Variants in KCNK9 observed in about 807,000 individuals in gnomAD.
KCNK9 encodes the protein potassium two pore domain channel subfamily K member 9, also known as potassium channel subfamily K member 9.
Under a neutral mutation model 10.8 loss-of-function variants are expected in KCNK9, and 1 was observed. The ratio of observed to expected loss-of-function variants is 0.09; its 90% CI spans 0.03 to 0.44. The LOEUF (loss-of-function observed/expected upper bound fraction) is 0.44, where lower values mean the gene tolerates loss of function less well. KCNK9 is among the 20% of genes least tolerant of loss of function. The pLI is 0.97. For synonymous variants in KCNK9, 231 were observed against 222.7 expected, an observed-to-expected ratio of 1.04 and a Z score of -0.33; for missense variants, 303 against 515.0, an observed-to-expected ratio of 0.59 and a Z score of 3.98.
At chr8:139,696,743 GTGGATGGATGGATGGATGGA>G (rs540183564) in intron 1 of KCNK9, among the ~76,000 whole-genome samples, 1 of 147,882 alleles carries the variant, frequency 6.8e-6, no homozygotes, top group Non-Finnish European at 1.5e-5. Context: ...AGATGAGTGG[GTGGATGGATGGATGGATGGA>G]TGGATGGATG....
intron 1 of KCNK9, among the ~76,000 whole-genome samples, chr8:139,668,451 C>T (rs549615211): frequency 3.0e-5 from 4 of 131,538 alleles, no homozygotes; most frequent in Middle Eastern, 4.8e-3. Flanking sequence ...GATGGAGTTT[C>T]GCTCTTGTTG....
intron 1 of KCNK9, among the ~76,000 whole-genome samples, chr8:139,648,120 G>A (rs77103999): frequency 0.015 from 2,257 of 152,236 alleles, 23 homozygotes; most frequent in Middle Eastern, 0.034. Context: ...ATTGCAACAC[G>A]GAAGAGCCTC....
At chr8:139,610,536 T>C (rs1242688870), downstream of KCNK9, among the ~76,000 whole-genome samples, 1 of 152,224 alleles carries the variant, frequency 6.6e-6, no homozygotes, top group East Asian at 1.9e-4. Flanking sequence ...CAAGATCTTA[T>C]CCAGAAAGAT....
chr8:139,697,636 C>G (rs1817094760), intron 1 of KCNK9, among the ~76,000 whole-genome samples: 1 of 152,002 alleles, frequency 6.6e-6, no homozygotes, highest in Admixed American at 6.6e-5. Flanking sequence ...TCATTAGACT[C>G]CACTGATGAA....
intron 1 of KCNK9, among the ~76,000 whole-genome samples, chr8:139,670,487 C>T (rs959079568): frequency 5.3e-5 from 8 of 152,146 alleles, no homozygotes; most frequent in African/African-American, 1.9e-4. Flanking sequence ...ACAAGCCCTG[C>T]CTGTGCATTG....
intron 1 of KCNK9, among the ~76,000 whole-genome samples, chr8:139,641,492 C>T (rs1044553128): frequency 1.3e-5 from 2 of 152,178 alleles, no homozygotes; most frequent in African/African-American, 4.8e-5. Context: ...GCATCATGAC[C>T]ATTGCTGTTT....
At chr8:139,670,272 C>T (rs576889223) in intron 1 of KCNK9, among the ~76,000 whole-genome samples, 8 of 152,204 alleles carry the variant, frequency 5.3e-5, no homozygotes, top group East Asian at 1.9e-4. Context: ...ATCACCATAA[C>T]GGATTTAATA....
At position 139,643,338 on chromosome 8, in the gene KCNK9, G is replaced by A. The variant is rs183276712; in HGVS notation, c.284-24239C>T. ...CTCCAAGCCATTTCTATTCCCCAAC[G>A]TCCTTCACCCGGACTGGGGGGTTCC... On this transcript the variant is annotated intron_variant, in intron 1 of 1. Transcript: ENST00000520439. Among the ~76,000 whole-genome samples the A allele has an allele frequency of 5.3e-5, 8 of 152,300 alleles. No individual in the cohort carries two copies. In the East Asian group the frequency reaches 1.2e-3, roughly 22 times the overall value.
downstream of KCNK9, among the ~76,000 whole-genome samples, chr8:139,613,322 G>A (rs1258233186): frequency 4.6e-5 from 7 of 152,158 alleles, no homozygotes; most frequent in African/African-American, 1.2e-4. Flanking sequence ...AGGTCAGTGT[G>A]GGGGACCGTG....
chr8:139,681,456 C>T (rs904863421), intron 1 of KCNK9, among the ~76,000 whole-genome samples: 4 of 152,348 alleles, frequency 2.6e-5, no homozygotes, highest in Admixed American at 2.0e-4. Context: ...GCCCAGAGCT[C>T]CAGGGGAAGG....
chr8:139,659,150 C>G (rs1300287817), intron 1 of KCNK9, among the ~76,000 whole-genome samples: 1 of 152,248 alleles, frequency 6.6e-6, no homozygotes, highest in Non-Finnish European at 1.5e-5. Context: ...AGAAACCGCT[C>G]TGGGACCTAA....
At chr8:139,613,930 A>C (rs1261856636), downstream of KCNK9, among the ~76,000 whole-genome samples, 1 of 152,248 alleles carries the variant, frequency 6.6e-6, no homozygotes, top group African/African-American at 2.4e-5. Context: ...GTGCACTGAT[A>C]GGACAGGGGC....
At chr8:139,630,039 GTGGT>G (rs1815111585) in intron 1 of KCNK9, among the ~76,000 whole-genome samples, 1 of 151,786 alleles carries the variant, frequency 6.6e-6, no homozygotes, top group African/African-American at 2.4e-5. Context: ...AAGCAGGTTA[GTGGT>G]TGCCTAGGGG....
At chr8:139,700,226 C>T (rs191469048) in intron 1 of KCNK9, among the ~76,000 whole-genome samples, 10 of 152,316 alleles carry the variant, frequency 6.6e-5, no homozygotes, top group Admixed American at 5.9e-4. Context: ...CTACTAAGTG[C>T]CGGCCACACT....
intron 1 of KCNK9, among the ~76,000 whole-genome samples, chr8:139,695,110 T>G (rs1817020005): frequency 6.6e-6 from 1 of 152,214 alleles, no homozygotes; most frequent in South Asian, 2.1e-4. Context: ...TACTTTGTGC[T>G]CAGGTATCAA....
At chr8:139,666,514 G>C (rs1239859348) in intron 1 of KCNK9, among the ~76,000 whole-genome samples, 5 of 152,234 alleles carry the variant, frequency 3.3e-5, no homozygotes, top group Non-Finnish European at 7.3e-5. Context: ...CTGAGGCAAA[G>C]AGGATCCATC....
At position 139,689,050 on chromosome 8, in the gene KCNK9, G is replaced by T. The variant is rs533446444; in HGVS notation, c.283+13660C>A. 5.3e-5 allele frequency among the ~76,000 whole-genome samples: 8 copies of T among 152,290 alleles called. No homozygotes were observed. The South Asian group carries it at 1.7e-3, about 32-fold the overall frequency. On this transcript the variant is annotated intron_variant, in intron 1 of 1. Coordinates refer to ENST00000520439, the MANE Select transcript of KCNK9 (RefSeq NM_001282534.2). Reference sequence around the variant, plus strand: ...AATCTAACTGGTGTCCTTATAAGGAGAGGAGATTAGGACCACAGACATGCA... The same window carrying T: ...AATCTAACTGGTGTCCTTATAAGGATAGGAGATTAGGACCACAGACATGCA...
chr8:139,618,194 G>A lies in KCNK9; in HGVS notation c.*64C>T, dbSNP rs1814658393. 1.9e-6 allele frequency: 3 copies of A among 1,594,164 alleles called. No homozygotes were observed. In the African/African-American group the frequency reaches 4.0e-5, roughly 21 times the overall value. On this transcript the variant is annotated 3_prime_UTR_variant, in exon 2 of 2. Coordinates refer to ENST00000520439, the MANE Select transcript of KCNK9 (RefSeq NM_001282534.2). The surrounding 1 kb of genome is among the most constrained non-coding windows in gnomAD (Gnocchi z 7.9). ...ATAAATAAATAAGAAAAGACGAGTT[G>A]GACCAATGGAAATTAACACCAACTA...
Position 139,680,236 on chromosome 8 carries a change from C to T in KCNK9, c.283+22474G>A, listed in dbSNP as rs915326431. On this transcript the variant is annotated intron_variant, in intron 1 of 1. Coordinates refer to ENST00000520439, the MANE Select transcript of KCNK9 (RefSeq NM_001282534.2). Reference sequence around the variant, plus strand: ...AGCAGGCACAGGGACCACAAGTTCCCGTGTCTGGGTCTTCTGGGGGTGGCA... The same window carrying T: ...AGCAGGCACAGGGACCACAAGTTCCTGTGTCTGGGTCTTCTGGGGGTGGCA... Among the ~76,000 whole-genome samples the T allele has an allele frequency of 2.0e-5, 3 of 152,208 alleles. No individual in the cohort carries two copies. The East Asian group carries it at 5.8e-4, about 29-fold the overall frequency.
Sources: allele counts gnomAD v4.1 joint callset (sites outside exome capture counted in the v4.1 genomes callset), GRCh38; gene constraint gnomAD v4.1.1; non-coding constraint Gnocchi (gnomAD v3.1); transcripts MANE v1.5; gene names NCBI Gene and HGNC (gene_info 2026-07-23, HGNC 2026-07-21).